The following ZCCHC8 variants were observed in gnomAD, a reference collection of about 807,000 sequenced individuals.
The protein encoded by ZCCHC8 is zinc finger CCHC domain-containing protein 8.
In ZCCHC8, 27 loss-of-function variants were observed where a neutral mutation model predicts 70.6. The ratio of observed to expected loss-of-function variants is 0.38; its 90% CI spans 0.28 to 0.53. ZCCHC8 has a LOEUF of 0.53. Among genes scored for constraint, ZCCHC8 ranks in the 20% least tolerant of loss-of-function variants. The pLI is 0.81. For synonymous variants in ZCCHC8, 293 were observed against 317.4 expected, an observed-to-expected ratio of 0.92 and a Z score of 0.82; for missense variants, 737 against 876.9, an observed-to-expected ratio of 0.84 and a Z score of 2.01.
intron 5 of ZCCHC8, among the ~76,000 whole-genome samples, chr12:122,486,596 G>C (rs1476194716): frequency 6.6e-6 from 1 of 151,644 alleles, no homozygotes; most frequent in African/African-American, 2.4e-5. Context: ...GAGAGAGAGA[G>C]TCTCGCTCTG....
At chr12:122,497,307 T>G (rs978799687) in intron 2 of ZCCHC8, among the ~76,000 whole-genome samples, 2 of 151,708 alleles carry the variant, frequency 1.3e-5, no homozygotes, top group Admixed American at 6.6e-5. Flanking sequence ...TTTGGGAGGT[T>G]GAGGTGGACA....
chr12:122,490,603 G>A (rs1402833862), intron 3 of ZCCHC8, 36 bp from the exon 4 acceptor site: 2 of 1,337,002 alleles, frequency 1.5e-6, no homozygotes, highest in African/African-American at 1.5e-5. Context: ...AACCCAGACA[G>A]AGTAAAACAT....
chr12:122,483,307 C>A lies in ZCCHC8; in HGVS notation c.643G>T (p.Gly215Trp). 1 of 1,600,468 alleles carries A rather than the reference C, an allele frequency of 6.2e-7. No homozygotes were observed. Among genetic ancestry groups the A allele is most frequent in the South Asian group, 1.1e-5 (1 of 88,446 alleles). The change falls in exon 7 of 14, where the codon GGG becomes TGG. Residue 215 changes from glycine (G) to tryptophan (W), a missense_variant. By Grantham distance (184) the Gly-to-Trp change is radical. Transcript: ENST00000633063. The surrounding 1 kb of genome is among the most constrained non-coding windows in gnomAD (Gnocchi z 4.4). ...QVFSHIVSLE[G>W]QEIQVKAKRP... ...TTTGCCTTTACTTGTATTTCTTGCC[C>A]TTCTAGAGAAACAATGTGGCTGAAG...
At chr12:122,485,411 G>A (rs1957614785) in intron 5 of ZCCHC8, among the ~76,000 whole-genome samples, 2 of 152,186 alleles carry the variant, frequency 1.3e-5, no homozygotes, top group African/African-American at 4.8e-5. Flanking sequence ...ACTGCGCCTG[G>A]CCTAAGTTAT....
chr12:122,478,473 A>G, intron 11 of ZCCHC8, 181 bp from the exon 12 acceptor site: 1 of 570,448 alleles, frequency 1.8e-6, no homozygotes, highest in East Asian at 3.0e-5. Context: ...CTTGCCTGCA[A>G]AATAATTAAG....
In ZCCHC8 at chr12:122,473,807, G is replaced by A. The variant is rs765590414; in HGVS notation, c.1814C>T (p.Ser605Leu). 1 of 1,613,416 alleles carries A rather than the reference G, an allele frequency of 6.2e-7. No individual in the cohort carries two copies. The highest frequency in any genetic ancestry group is 1.7e-5 in the Admixed American group (1 of 59,900). Residue 605 changes from serine (S) to leucine (L), a missense_variant, in exon 14 of 14, where the codon TCA becomes TTA. By Grantham distance (145) the Ser-to-Leu change is moderately radical. Transcript: ENST00000633063. ...CTCTGCTTTTTCCTTCTGACAAAGT[G>A]ATGTCACCTCAGAGTCTGGACTGGA... is the stretch of plus-strand genomic sequence containing the variant. ...HASSPDSEVTSLCQKEKAELA... is the reference protein window; with the variant it reads ...HASSPDSEVTLLCQKEKAELA...
In ZCCHC8 at chr12:122,482,705, CA is replaced by C; in HGVS notation, c.672-11del. On this transcript the variant is annotated splice_polypyrimidine_tract_variant and intron_variant, in intron 7 of 13. Transcript: ENST00000633063. ...ACAGTGAGGCTTTGGCCTATTTGGTCAAAAGACAAAGATTTTTATAATGTCA... is the reference window on the plus strand; with the variant it reads ...ACAGTGAGGCTTTGGCCTATTTGGTCAAAGACAAAGATTTTTATAATGTCA... 1 of 1,595,730 alleles carries C rather than the reference CA, an allele frequency of 6.3e-7. No individual in the cohort carries two copies. The highest frequency in any genetic ancestry group is 1.1e-5 in the South Asian group (1 of 87,184).
At chr12:122,490,716 T>C (rs969279327) in intron 3 of ZCCHC8, 149 bp from the exon 4 acceptor site, 2 of 501,758 alleles carry the variant, frequency 4.0e-6, no homozygotes, top group South Asian at 3.8e-5. Flanking sequence ...CTCAGGAACA[T>C]ATTCCTTAAG....
In ZCCHC8 at chr12:122,483,427, G is replaced by A; in HGVS notation, c.605+33C>T. The A allele has an allele frequency of 6.4e-7, 1 of 1,570,454 alleles. No homozygotes were observed. Among genetic ancestry groups the A allele is most frequent in the South Asian group, 1.2e-5 (1 of 85,758 alleles). On this transcript the variant is annotated intron_variant, in intron 6 of 13. Coordinates refer to ENST00000633063, the MANE Select transcript of ZCCHC8 (RefSeq NM_017612.5). The surrounding 1 kb of genome is among the most constrained non-coding windows in gnomAD (Gnocchi z 4.4). The stretch of plus-strand genomic sequence containing the variant: ...TTAAAGGTGAACTTAGTGGCAAGAT[G>A]CATAAAAGATCTTCATTCACTATGT...
At chr12:122,490,019 CCTCTCT>C (rs142075072) in intron 4 of ZCCHC8, among the ~76,000 whole-genome samples, 2 of 150,000 alleles carry the variant, frequency 1.3e-5, no homozygotes, top group African/African-American at 4.9e-5. Context: ...CTCTGATTCT[CCTCTCT>C]CTCTCTCTCT....
chr12:122,496,588 C>T (rs1001831413), intron 2 of ZCCHC8, among the ~76,000 whole-genome samples: 1 of 152,076 alleles, frequency 6.6e-6, no homozygotes, highest in South Asian at 2.1e-4. Context: ...TATTGAATAC[C>T]TAATCAAAAT....
chr12:122,488,204 G>A (rs1957678262), intron 5 of ZCCHC8, among the ~76,000 whole-genome samples: 1 of 152,040 alleles, frequency 6.6e-6, no homozygotes, highest in Non-Finnish European at 1.5e-5. Flanking sequence ...GCTAATTTTT[G>A]TATTTTCAGT....
chr12:122,481,745 T>C, intron 9 of ZCCHC8, 81 bp from the exon 10 acceptor site: 1 of 1,486,522 alleles, frequency 6.7e-7, no homozygotes, highest in Non-Finnish European at 9.1e-7. Flanking sequence ...TTTTAAAACA[T>C]TTCTTGCTTA....
chr12:122,497,627 C>T (rs192277416), intron 2 of ZCCHC8, among the ~76,000 whole-genome samples: 8 of 152,208 alleles, frequency 5.3e-5, no homozygotes, highest in Non-Finnish European at 1.2e-4. Flanking sequence ...AATATAATTT[C>T]TCATAATCTG....
In ZCCHC8 at chr12:122,495,837, C is replaced by T. The variant is rs1200779860; in HGVS notation, c.242+2990G>A. 2.6e-5 allele frequency among the ~76,000 whole-genome samples: 3 copies of T among 116,908 alleles called. No homozygotes were observed. The East Asian group carries it at 7.9e-4, about 31-fold the overall frequency. 76.7% of individuals were successfully genotyped at this position (116,908 alleles called of 152,430 possible). ...CACTACAGCCTGGGCGATAGAGTGA[C>T]ACTCTGTCTCAAAAAAAAAAAAAAA... On this transcript the variant is annotated intron_variant, in intron 2 of 13. Transcript: ENST00000633063.
intron 2 of ZCCHC8, among the ~76,000 whole-genome samples, chr12:122,496,362 A>C (rs1957826415): frequency 6.6e-6 from 1 of 152,154 alleles, no homozygotes. Context: ...ACACTGATTT[A>C]TTTCTTTTTC....
At chr12:122,499,823 C>G (rs1397518058) in intron 1 of ZCCHC8, 5 of 152,460 alleles carry the variant, frequency 3.3e-5, no homozygotes, top group Non-Finnish European at 5.9e-5. Context: ...GCCTGGGCAA[C>G]AGACTGAGAC....
intron 2 of ZCCHC8, among the ~76,000 whole-genome samples, chr12:122,497,929 T>C (rs1236856782): frequency 1.3e-5 from 2 of 152,018 alleles, no homozygotes; most frequent in Non-Finnish European, 2.9e-5. Flanking sequence ...GGATCAAGGT[T>C]TCAGTGAGCT....
Position 122,498,882 on chromosome 12 carries a change from T to G in ZCCHC8, c.200-13A>C. Reference sequence around the variant, plus strand: ...TTAAGTTCTTGATGTTATTATTTGTTAAGGAAGATAAGCCCTCATTTAACA... The same window carrying G: ...TTAAGTTCTTGATGTTATTATTTGTGAAGGAAGATAAGCCCTCATTTAACA... On this transcript the variant is annotated splice_polypyrimidine_tract_variant and intron_variant, in intron 1 of 13. Coordinates refer to ENST00000633063, the MANE Select transcript of ZCCHC8 (RefSeq NM_017612.5). 6.2e-7 allele frequency: 1 copy of G among 1,610,488 alleles called. No homozygotes were observed. Among genetic ancestry groups the G allele is most frequent in the Non-Finnish European group, 8.5e-7 (1 of 1,177,104 alleles).
Sources: allele counts gnomAD v4.1 joint callset (sites outside exome capture counted in the v4.1 genomes callset), GRCh38; gene constraint gnomAD v4.1.1; non-coding constraint Gnocchi (gnomAD v3.1); transcripts MANE v1.5; gene names NCBI Gene and HGNC (gene_info 2026-07-23, HGNC 2026-07-21).